The following FHIT variants were observed in gnomAD, a reference collection of about 807,000 sequenced individuals.
FHIT encodes the protein bis(5'-adenosyl)-triphosphatase.
FHIT carries 19 observed loss-of-function variants against 17.9 expected under a neutral mutation model. The observed-to-expected ratio is 1.06, with a 90% CI of 0.74 to 1.56. The LOEUF (loss-of-function observed/expected upper bound fraction) is 1.56. FHIT is among the 40% of genes most tolerant of loss of function. The probability of loss-of-function intolerance (pLI) is 0.00; values close to 1 mark genes in which losing one functional copy is unlikely to be tolerated. For synonymous variants in FHIT, 81 were observed against 69.7 expected, an observed-to-expected ratio of 1.16 and a Z score of -0.81; for missense variants, 248 against 189.2, an observed-to-expected ratio of 1.31 and a Z score of -1.82.
At chr3:61,055,149 C>T (rs1029714480) in intron 2 of FHIT, among the ~76,000 whole-genome samples, 2 of 151,926 alleles carry the variant, frequency 1.3e-5, no homozygotes, top group African/African-American at 2.4e-5. Context: ...GTCTCTTTTC[C>T]ACTAGGGCTA....
intron 5 of FHIT, among the ~76,000 whole-genome samples, chr3:60,082,415 A>C (rs1357940518): frequency 1.3e-5 from 2 of 152,074 alleles, no homozygotes; most frequent in African/African-American, 4.8e-5. Flanking sequence ...TTGCTATTGT[A>C]AATAGTGCTA....
chr3:59,834,457 T>C (rs972649451), intron 8 of FHIT, among the ~76,000 whole-genome samples: 2 of 152,178 alleles, frequency 1.3e-5, no homozygotes, highest in African/African-American at 4.8e-5. Context: ...TTTGGGCGAC[T>C]ATCAAAATAT....
chr3:59,848,306 A>G (rs925298354), intron 8 of FHIT, among the ~76,000 whole-genome samples: 3 of 152,208 alleles, frequency 2.0e-5, no homozygotes, highest in African/African-American at 7.2e-5. Flanking sequence ...CAAAATAGCT[A>G]CAACAGACAG....
rs543674628 is a variant in FHIT, at chr3:60,114,835, G to T, written c.104-100683C>A. On this transcript the variant is annotated intron_variant, in intron 5 of 9. Coordinates refer to ENST00000492590, the MANE Select transcript of FHIT (RefSeq NM_002012.4). Reference sequence around the variant, plus strand: ...TTAAAAATGAAGAGTAATAGCAATTGTTGGAAGTGTACTGATTCAAGGGTA... The same window carrying T: ...TTAAAAATGAAGAGTAATAGCAATTTTTGGAAGTGTACTGATTCAAGGGTA... Among the ~76,000 whole-genome samples the T allele has an allele frequency of 4.6e-5, 7 of 152,150 alleles. No homozygotes were observed. The East Asian group carries it at 1.4e-3, about 29-fold the overall frequency.
chr3:60,502,532 G>C (rs1286297294), intron 5 of FHIT, among the ~76,000 whole-genome samples: 1 of 152,170 alleles, frequency 6.6e-6, no homozygotes, highest in Non-Finnish European at 1.5e-5. Context: ...ATCCTGCAAA[G>C]TTCTAGAGGA....
chr3:60,201,904 C>T (rs1341265026), intron 5 of FHIT, among the ~76,000 whole-genome samples: 1 of 152,054 alleles, frequency 6.6e-6, no homozygotes, highest in South Asian at 2.1e-4. Flanking sequence ...GTTACATTAG[C>T]TCAGCATAAG....
intron 5 of FHIT, among the ~76,000 whole-genome samples, chr3:60,281,422 A>C (rs771538531): frequency 2.3e-4 from 35 of 152,176 alleles, no homozygotes; most frequent in Non-Finnish European, 4.1e-4. Context: ...ATACTACTCA[A>C]CTTTAAGACT....
chr3:60,671,346 A>C (rs2040498834), intron 4 of FHIT, among the ~76,000 whole-genome samples: 1 of 152,122 alleles, frequency 6.6e-6, no homozygotes, highest in African/African-American at 2.4e-5. Context: ...CCCCACTTCC[A>C]AAATACACAC....
intron 8 of FHIT, chr3:59,886,094 G>A (rs927079621): frequency 2.0e-5 from 3 of 152,204 alleles, no homozygotes; most frequent in South Asian, 2.1e-4. Context: ...TCATAGCATC[G>A]CAGTGGCTTC....
chr3:61,251,241 G>A (rs1241281809), intron 1 of FHIT, 60 bp downstream of exon 1: 1 of 152,314 alleles, frequency 6.6e-6, no homozygotes, highest in Non-Finnish European at 1.5e-5. Flanking sequence ...GACGCGCGTG[G>A]AAACCCAGAC....
At chr3:60,825,338 AC>A (rs1702075570) in intron 3 of FHIT, among the ~76,000 whole-genome samples, 2 of 152,228 alleles carry the variant, frequency 1.3e-5, no homozygotes, top group Non-Finnish European at 2.9e-5. Context: ...TGATTAAAGG[AC>A]ATATGGCTGT....
chr3:60,518,584 A>G (rs1457218237), intron 5 of FHIT, among the ~76,000 whole-genome samples: 1 of 152,238 alleles, frequency 6.6e-6, no homozygotes, highest in Non-Finnish European at 1.5e-5. Flanking sequence ...TTCCAGTTTA[A>G]GAAATTTAGC....
intron 4 of FHIT, among the ~76,000 whole-genome samples, chr3:60,644,196 T>C (rs1349568496): frequency 2.6e-5 from 4 of 152,206 alleles, no homozygotes; most frequent in Admixed American, 6.5e-5. Flanking sequence ...ACTACAAGAC[T>C]GAAAAAGAGA....
intron 5 of FHIT, among the ~76,000 whole-genome samples, chr3:60,038,612 A>T (rs1313909724): frequency 2.6e-5 from 4 of 152,188 alleles, no homozygotes; most frequent in African/African-American, 9.6e-5. Flanking sequence ...AAACACCTGG[A>T]ATGCTGCTCG....
intron 2 of FHIT, among the ~76,000 whole-genome samples, chr3:61,083,723 T>G (rs78251799): frequency 6.6e-6 from 1 of 152,244 alleles, no homozygotes; most frequent in Non-Finnish European, 1.5e-5. Flanking sequence ...TCTGGGTATT[T>G]CTTATCAATG....
intron 5 of FHIT, among the ~76,000 whole-genome samples, chr3:60,513,473 T>G (rs955865304): frequency 1.3e-5 from 2 of 152,140 alleles, no homozygotes; most frequent in Non-Finnish European, 2.9e-5. Flanking sequence ...TTCAAAACAT[T>G]TAATAATAAT....
chr3:60,575,176 C>G (rs2037523874), intron 4 of FHIT, among the ~76,000 whole-genome samples: 1 of 152,108 alleles, frequency 6.6e-6, no homozygotes, highest in Non-Finnish European at 1.5e-5. Flanking sequence ...AAGAAAGCGA[C>G]TGTTGGACTT....
intron 5 of FHIT, among the ~76,000 whole-genome samples, chr3:60,271,270 G>T (rs181077238): frequency 6.6e-6 from 1 of 151,922 alleles, no homozygotes; most frequent in Non-Finnish European, 1.5e-5. Context: ...AGGCATGGTG[G>T]CTCACATCTA....
chr3:60,803,397 A>G lies in FHIT; in HGVS notation c.-18+18522T>C, dbSNP rs551236042. ...TTCCATCGTGATTAGAGGTTTTGTG[A>G]GCATTTTGGGATGGGGGACACTTTC... On this transcript the variant is annotated intron_variant, in intron 4 of 9. Coordinates refer to ENST00000492590, the MANE Select transcript of FHIT (RefSeq NM_002012.4). Among the ~76,000 whole-genome samples the G allele has an allele frequency of 2.1e-3, 314 of 152,254 alleles. 1 individual carries two copies. The highest frequency in any genetic ancestry group is 6.8e-3 in the African/African-American group (283 of 41,546).
Sources: allele counts gnomAD v4.1 joint callset (sites outside exome capture counted in the v4.1 genomes callset), GRCh38; gene constraint gnomAD v4.1.1; transcripts MANE v1.5; gene names NCBI Gene and HGNC (gene_info 2026-07-23, HGNC 2026-07-21).